The following CAMTA1 variants were observed in gnomAD, a reference collection of about 807,000 sequenced individuals.
CAMTA1 encodes the protein calmodulin-binding transcription activator 1.
Under a neutral mutation model 170.9 loss-of-function variants are expected in CAMTA1, and 27 were observed. That is an observed-to-expected ratio of 0.16 (90% confidence interval 0.12 to 0.22). The LOEUF is 0.22. Among genes scored for constraint, CAMTA1 ranks in the 10% least tolerant of loss-of-function variants. The pLI is 1.00. For synonymous variants in CAMTA1, 833 were observed against 891.5 expected, an observed-to-expected ratio of 0.93 and a Z score of 1.17; for missense variants, 1,619 against 2,217.2, an observed-to-expected ratio of 0.73 and a Z score of 5.42.
chr1:6,887,893 T>C lies in CAMTA1; in HGVS notation c.234+62683T>C. 2 of 1,388,742 alleles carry C rather than the reference T, an allele frequency of 1.4e-6. No homozygotes were observed. The highest frequency in any genetic ancestry group is 1.9e-6 in the Non-Finnish European group (2 of 1,069,410). The allele number at this position is 1,388,742 out of a possible 1,614,324, so 86.0% of individuals were successfully genotyped here. A position where few individuals can be genotyped will look rare whatever the true frequency, so the allele number is the denominator to read the frequency against. The stretch of plus-strand genomic sequence containing the variant: ...GAAATAGAATAAAGTGACCTACTCT[T>C]GCCTCATCCGGAGTTATTACGAAGG... On this transcript the variant is annotated intron_variant, in intron 3 of 22. Coordinates refer to ENST00000303635, the MANE Select transcript of CAMTA1 (RefSeq NM_015215.4). This position sits in a 1 kb window ranked among gnomAD's most constrained non-coding sequence, Gnocchi z 4.1.
intron 6 of CAMTA1, among the ~76,000 whole-genome samples, 194 bp from the exon 7 acceptor site, chr1:7,640,206 G>A (rs1226332723): frequency 1.3e-5 from 2 of 152,164 alleles, no homozygotes; most frequent in African/African-American, 4.8e-5. Flanking sequence ...AGGCCAGCGA[G>A]TCTGCTAATA....
At chr1:7,082,768 A>G (rs181657897) in intron 3 of CAMTA1, among the ~76,000 whole-genome samples, 37 of 151,968 alleles carry the variant, frequency 2.4e-4, no homozygotes, top group African/African-American at 8.4e-4. Flanking sequence ...CAACCTACTC[A>G]CTCGTCAAGA....
chr1:6,789,633 C>T (rs923585062), intron 1 of CAMTA1, among the ~76,000 whole-genome samples: 1 of 152,062 alleles, frequency 6.6e-6, no homozygotes, highest in Non-Finnish European at 1.5e-5. Flanking sequence ...TGAATTTGCC[C>T]TTCTGGGGAG....
At chr1:7,107,278 A>ATG (rs148905936) in intron 4 of CAMTA1, among the ~76,000 whole-genome samples, 2,961 of 142,196 alleles carry the variant, frequency 0.021, 35 homozygotes, top group Middle Eastern at 0.035. Flanking sequence ...GTGTGTGTGC[A>ATG]TGTGTGTGTG....
At position 7,163,324 on chromosome 1, in the gene CAMTA1, G is replaced by A. The variant is rs1647636701; in HGVS notation, c.302+71953G>A. Among the ~76,000 whole-genome samples, 4 of 111,176 alleles carry A rather than the reference G, an allele frequency of 3.6e-5. No homozygotes were observed. The South Asian group carries it at 1.4e-3, about 40-fold the overall frequency. 72.9% of individuals were successfully genotyped at this position (111,176 alleles called of 152,430 possible). ...GGGGAAAGGTCACTGGATGGGGGGA[G>A]ACCAAGGAGCGGGAGGCCGGGGGGT... On this transcript the variant is annotated intron_variant, in intron 4 of 22. Transcript: ENST00000303635.
At chr1:7,406,039 G>A (rs144421908) in intron 5 of CAMTA1, among the ~76,000 whole-genome samples, 4 of 152,380 alleles carry the variant, frequency 2.6e-5, no homozygotes, top group Admixed American at 6.5e-5. Context: ...TCTGGACAGA[G>A]GTTAAATGGT....
At chr1:7,533,186 C>CT (rs1227137037) in intron 6 of CAMTA1, among the ~76,000 whole-genome samples, 1 of 152,184 alleles carries the variant, frequency 6.6e-6, no homozygotes, top group Non-Finnish European at 1.5e-5. Flanking sequence ...CACCCCTCCC[C>CT]TGCTGCACGT....
At chr1:7,416,642 A>T (rs2091197550) in intron 5 of CAMTA1, among the ~76,000 whole-genome samples, 1 of 152,104 alleles carries the variant, frequency 6.6e-6, no homozygotes. Flanking sequence ...TGCATTGGTT[A>T]TTCTAGTTAT....
rs2149980176 is a variant in CAMTA1 at position 7,361,695 on chromosome 1, T to C, written c.439-106135T>C. 2.0e-5 allele frequency among the ~76,000 whole-genome samples: 3 copies of C among 152,350 alleles called. No individual in the cohort carries two copies. The Middle Eastern group carries it at 0.01, about 518-fold the overall frequency. On this transcript the variant is annotated intron_variant, in intron 5 of 22. Transcript: ENST00000303635. ...TGGGGGTACATTAAACTTTTATGCA[T>C]GGCAATAAATTTCTTATGCAAGAGA...
At chr1:7,668,630 G>A (rs965123311) in intron 9 of CAMTA1, among the ~76,000 whole-genome samples, 1 of 152,038 alleles carries the variant, frequency 6.6e-6, no homozygotes, top group African/African-American at 2.4e-5. Flanking sequence ...TACAGCCTCA[G>A]GCACGCGCGT....
chr1:7,159,719 A>AT (rs1553259939), intron 4 of CAMTA1, among the ~76,000 whole-genome samples: 5 of 151,856 alleles, frequency 3.3e-5, no homozygotes, highest in Admixed American at 6.6e-5. Flanking sequence ...AATTAAAAAA[A>AT]ATTTTTTTTG....
At chr1:7,457,894 C>T (rs530845535) in intron 5 of CAMTA1, among the ~76,000 whole-genome samples, 2 of 152,220 alleles carry the variant, frequency 1.3e-5, no homozygotes, top group East Asian at 3.9e-4. Flanking sequence ...GATCCCCCTT[C>T]CGCGGAGCTC....
chr1:7,270,236 TATATAC>T (rs1558335815), intron 5 of CAMTA1, among the ~76,000 whole-genome samples: 30 of 73,084 alleles, frequency 4.1e-4, no homozygotes, highest in African/African-American at 1.9e-3. Flanking sequence ...TATATACACA[TATATAC>T]ATACACACAC....
chr1:7,090,189 G>A (rs967328097), intron 3 of CAMTA1, among the ~76,000 whole-genome samples: 1 of 152,166 alleles, frequency 6.6e-6, no homozygotes, highest in Non-Finnish European at 1.5e-5. Flanking sequence ...GGCATCAGGG[G>A]CATTTTCTAC....
At chr1:7,129,919 T>TTGTGTG (rs3058550) in intron 4 of CAMTA1, among the ~76,000 whole-genome samples, 1,573 of 147,132 alleles carry the variant, frequency 0.011, 22 homozygotes, top group African/African-American at 0.028. Flanking sequence ...CTACCTTCTT[T>TTGTGTG]TGTGTGTGTG....
chr1:6,948,110 T>C (rs1687864222), intron 3 of CAMTA1, among the ~76,000 whole-genome samples: 1 of 152,198 alleles, frequency 6.6e-6, no homozygotes, highest in African/African-American at 2.4e-5. Flanking sequence ...TCAGTAATTA[T>C]CATGTTTATT....
chr1:7,752,568 G>A, intron 21 of CAMTA1, 35 bp downstream of exon 21: 3 of 1,518,606 alleles, frequency 2.0e-6, no homozygotes, highest in Non-Finnish European at 2.7e-6. Flanking sequence ...TCTGCTCAGG[G>A]AGAATGATGA....
intron 6 of CAMTA1, among the ~76,000 whole-genome samples, chr1:7,607,470 G>T (rs893014466): frequency 1.3e-5 from 2 of 151,962 alleles, no homozygotes; most frequent in African/African-American, 4.8e-5. Flanking sequence ...TGGGTGGATG[G>T]ATGGATGGAT....
chr1:7,101,784 CACAAT>C (rs1400074614), intron 4 of CAMTA1, among the ~76,000 whole-genome samples: 1 of 150,390 alleles, frequency 6.6e-6, no homozygotes, highest in African/African-American at 2.5e-5. Context: ...ATTTGTAACA[CACAAT>C]ACATGTGTGC....
Sources: allele counts gnomAD v4.1 joint callset (sites outside exome capture counted in the v4.1 genomes callset), GRCh38; gene constraint gnomAD v4.1.1; non-coding constraint Gnocchi (gnomAD v3.1); transcripts MANE v1.5; gene names NCBI Gene and HGNC (gene_info 2026-07-23, HGNC 2026-07-21).